Variants in GRIK1 observed in about 807,000 individuals in gnomAD.
GRIK1 encodes glutamate ionotropic receptor kainate type subunit 1.
GRIK1 carries 69 observed loss-of-function variants against 105.7 expected under a neutral mutation model. That is an observed-to-expected ratio of 0.65 (90% CI 0.54 to 0.80). GRIK1 has a LOEUF of 0.80. GRIK1 is among the 30% of genes least tolerant of loss of function. The pLI is 0.00. For missense variants in GRIK1, 1,109 were observed against 1,167.3 expected (o/e 0.95, Z 0.73); for synonymous variants, 438 against 431.3 (o/e 1.02, Z -0.19).
intron 14 of GRIK1, among the ~76,000 whole-genome samples, chr21:29,564,198 A>T (rs1371351328): frequency 1.3e-5 from 2 of 151,838 alleles, no homozygotes; most frequent in Non-Finnish European, 2.9e-5. Context: ...CCCAGGCTGG[A>T]GTGCAGTGGC....
chr21:29,573,718 A>G (rs949277602), intron 14 of GRIK1, among the ~76,000 whole-genome samples: 1 of 152,092 alleles, frequency 6.6e-6, no homozygotes, highest in African/African-American at 2.4e-5. Flanking sequence ...GCATGGTAGC[A>G]TGCACCTGTA....
intron 1 of GRIK1, among the ~76,000 whole-genome samples, chr21:29,778,240 T>C (rs1181580788): frequency 1.3e-5 from 2 of 152,200 alleles, no homozygotes; most frequent in African/African-American, 4.8e-5. Context: ...ATGCTCTTAA[T>C]GTCTGTAAGA....
intron 1 of GRIK1, among the ~76,000 whole-genome samples, chr21:29,718,036 G>A (rs936827200): frequency 3.9e-5 from 6 of 152,108 alleles, no homozygotes; most frequent in African/African-American, 1.4e-4. Flanking sequence ...CCCTTTGCTT[G>A]GTACTTCTCC....
At chr21:29,817,353 A>G (rs1339854975) in intron 1 of GRIK1, among the ~76,000 whole-genome samples, 1 of 152,168 alleles carries the variant, frequency 6.6e-6, no homozygotes, top group Non-Finnish European at 1.5e-5. Flanking sequence ...TTAAATCCCC[A>G]TTACCATCAA....
Position 29,859,127 on chromosome 21 carries a change from C to T in GRIK1, c.118+80256G>A, listed in dbSNP as rs536554753. On this transcript the variant is annotated intron_variant, in intron 1 of 17. Transcript: ENST00000327783. ...TATCGCAAGGACGAAAAACCAAACA[C>T]CGCATGTTCTCACTCATAGGTGGGA... Among the ~76,000 whole-genome samples, 106 of 150,994 alleles carry T rather than the reference C, an allele frequency of 7.0e-4. 1 individual carries two copies. The highest frequency in any genetic ancestry group is 2.4e-3 in the African/African-American group (100 of 41,102).
intron 7 of GRIK1, among the ~76,000 whole-genome samples, chr21:29,624,531 C>T (rs923785628): frequency 5.3e-5 from 8 of 152,256 alleles, no homozygotes; most frequent in East Asian, 3.9e-4. Context: ...AAATCTCTAA[C>T]ATTTATAACC....
At chr21:29,565,283 T>C (rs1302595115) in intron 14 of GRIK1, among the ~76,000 whole-genome samples, 3 of 152,212 alleles carry the variant, frequency 2.0e-5, no homozygotes, top group Non-Finnish European at 4.4e-5. Flanking sequence ...TGTGGGGCTT[T>C]ATTGTGTTTC....
At chr21:29,565,689 C>T (rs938269520) in intron 14 of GRIK1, among the ~76,000 whole-genome samples, 4 of 152,226 alleles carry the variant, frequency 2.6e-5, no homozygotes, top group Non-Finnish European at 5.9e-5. Flanking sequence ...CTGCCTCGGC[C>T]TCCCAAAGTG....
At chr21:29,575,925 T>C (rs1327604589) in intron 14 of GRIK1, among the ~76,000 whole-genome samples, 1 of 152,180 alleles carries the variant, frequency 6.6e-6, no homozygotes, top group Non-Finnish European at 1.5e-5. Flanking sequence ...AGGTGACAAC[T>C]CCATTTTTGG....
At position 29,772,549 on chromosome 21, in the gene GRIK1, A is replaced by G. The variant is rs139825778; in HGVS notation, c.119-78486T>C. Among the ~76,000 whole-genome samples the G allele has an allele frequency of 3.3e-5, 5 of 152,328 alleles. No homozygotes were observed. The East Asian group carries it at 9.6e-4, about 29-fold the overall frequency. Reference sequence around the variant, plus strand: ...AATCAAGGACAAAGTTTTATCTTTCATATCCTTTTGGAGAGGAACTCAATT... The same window carrying G: ...AATCAAGGACAAAGTTTTATCTTTCGTATCCTTTTGGAGAGGAACTCAATT... On this transcript the variant is annotated intron_variant, in intron 1 of 17. Transcript: ENST00000327783.
At chr21:29,571,104 C>T (rs925928206) in intron 14 of GRIK1, among the ~76,000 whole-genome samples, 8 of 152,102 alleles carry the variant, frequency 5.3e-5, no homozygotes, top group Non-Finnish European at 7.3e-5. Context: ...GTAATACCAG[C>T]GCTTTGGGAG....
At chr21:29,762,265 A>T (rs901073604) in intron 1 of GRIK1, among the ~76,000 whole-genome samples, 29 of 152,242 alleles carry the variant, frequency 1.9e-4, no homozygotes, top group Non-Finnish European at 1.0e-4. Context: ...GGAAGGCATC[A>T]TCATCGTAAG....
chr21:29,861,575 GGGATTAT>G, intron 1 of GRIK1: 1 of 340,238 alleles, frequency 2.9e-6, no homozygotes, highest in Non-Finnish European at 5.8e-6. Flanking sequence ...CCCAAAGTGT[GGGATTAT>G]AGGTGTGAGC....
At chr21:29,540,242 A>G (rs2066658821) in intron 16 of GRIK1, among the ~76,000 whole-genome samples, 1 of 152,224 alleles carries the variant, frequency 6.6e-6, no homozygotes, top group African/African-American at 2.4e-5. Context: ...ACTGCCTTAA[A>G]GTACAACAAA....
At chr21:29,544,177 T>C (rs989618726) in intron 16 of GRIK1, among the ~76,000 whole-genome samples, 1 of 152,224 alleles carries the variant, frequency 6.6e-6, no homozygotes. Context: ...TGACATCAGA[T>C]ACACAAGTGT....
intron 1 of GRIK1, among the ~76,000 whole-genome samples, chr21:29,854,672 T>C (rs2068409901): frequency 6.6e-6 from 1 of 152,162 alleles, no homozygotes; most frequent in South Asian, 2.1e-4. Context: ...TATAAAATAG[T>C]GGAAATGATG....
intron 1 of GRIK1, among the ~76,000 whole-genome samples, chr21:29,700,322 C>T (rs1388574006): frequency 6.6e-6 from 1 of 152,148 alleles, no homozygotes; most frequent in East Asian, 1.9e-4. Context: ...TGGGTTGTGC[C>T]ACATAATTCC....
At chr21:29,885,938 AG>A (rs2069608301) in intron 1 of GRIK1, among the ~76,000 whole-genome samples, 1 of 152,124 alleles carries the variant, frequency 6.6e-6, no homozygotes, top group African/African-American at 2.4e-5. Flanking sequence ...TAGCTGTCTT[AG>A]CTAATTCAGA....
intron 1 of GRIK1, among the ~76,000 whole-genome samples, chr21:29,737,558 C>T (rs2146924584): frequency 6.6e-6 from 1 of 152,342 alleles, no homozygotes; most frequent in Middle Eastern, 3.4e-3. Flanking sequence ...TCTTTTCCCA[C>T]ATCCATATCC....
Sources: gnomAD v4.1 joint callset for allele counts (sites outside exome capture counted in the v4.1 genomes callset) on GRCh38, gnomAD v4.1.1 for gene constraint, MANE v1.5 for transcripts, NCBI Gene and HGNC (gene_info 2026-07-23, HGNC 2026-07-21) for gene names.